CEP76: variants seen among roughly 807,000 people sequenced by gnomAD.
CEP76 encodes centrosomal protein 76, also known as centrosomal protein of 76 kDa.
Under a neutral mutation model 83.3 loss-of-function variants are expected in CEP76, and 55 were observed. That is an observed-to-expected ratio of 0.66 (90% CI 0.53 to 0.83). The LOEUF (loss-of-function observed/expected upper bound fraction) is 0.83. Among genes scored for constraint, CEP76 ranks in the 40% least tolerant of loss-of-function variants. CEP76 has a pLI of 0.00. For missense variants in CEP76, 694 were observed against 799.5 expected, an observed-to-expected ratio of 0.87 and a Z score of 1.59; for synonymous variants, 270 against 274.5, an observed-to-expected ratio of 0.98 and a Z score of 0.16.
In CEP76 at chr18:12,678,311, G is replaced by A; in HGVS notation, c.1421C>T (p.Ala474Val). The A allele has an allele frequency of 6.2e-7, 1 of 1,614,116 alleles. No individual in the cohort carries two copies. ...CAAATCAAATACACAGGTTTCTACT[G>A]CATCAGAGGGTTGACAATTTCCCAG... Reference protein sequence around the residue: ...MFLGNCQPSDAVETCVFDLND... With the variant: ...MFLGNCQPSDVVETCVFDLND... Residue 474 changes from alanine (A) to valine (V), a missense_variant, in exon 10 of 12, where the codon GCA becomes GTA. Ala to Val is a moderately conservative substitution (Grantham distance 64). Transcript: ENST00000262127.
downstream of CEP76, among the ~76,000 whole-genome samples, chr18:12,668,133 T>TGC (rs2038843017): frequency 6.6e-6 from 1 of 151,512 alleles, no homozygotes; most frequent in African/African-American, 2.4e-5. Context: ...GACATGTTGG[T>TGC]GCAGGCCTGT....
Position 12,673,158 on chromosome 18 carries a change from G to A in CEP76, c.*207C>T, listed in dbSNP as rs2038990155. 1 of 1,198,484 alleles carries A rather than the reference G, an allele frequency of 8.3e-7. No individual in the cohort carries two copies. The highest frequency in any genetic ancestry group is 1.1e-6 in the Non-Finnish European group (1 of 951,558). The allele number at this position is 1,198,484 out of a possible 1,614,324, so 74.2% of individuals were successfully genotyped here. ...TACACTTAATTTATACTAAATTCCA[G>A]GGAGATTTATACAAGTTTTTCAGCC... On this transcript the variant is annotated 3_prime_UTR_variant, in exon 12 of 12. Transcript: ENST00000262127.
chr18:12,693,840 C>A (rs2039855347), intron 6 of CEP76, among the ~76,000 whole-genome samples: 2 of 151,936 alleles, frequency 1.3e-5, no homozygotes, highest in South Asian at 4.1e-4. Flanking sequence ...GTGTATACAC[C>A]ATTTATTTAA....
chr18:12,696,641 T>C (rs897006481), intron 5 of CEP76, among the ~76,000 whole-genome samples: 2 of 152,316 alleles, frequency 1.3e-5, no homozygotes, highest in Non-Finnish European at 2.9e-5. Flanking sequence ...TTTTGTTTTC[T>C]CATTTTATTA....
chr18:12,678,588 A>G, intron 9 of CEP76, 146 bp from the exon 10 acceptor site: 2 of 588,702 alleles, frequency 3.4e-6, no homozygotes, highest in Non-Finnish European at 5.8e-6. Flanking sequence ...TATTTCCACA[A>G]TTTGATTACT....
intron 2 of CEP76, chr18:12,700,146 C>T (rs2040102653): frequency 3.4e-6 from 1 of 296,244 alleles, no homozygotes. Flanking sequence ...GTAATACTAT[C>T]CACATAAAGC....
downstream of CEP76, among the ~76,000 whole-genome samples, chr18:12,670,147 A>C (rs2038907052): frequency 6.6e-6 from 1 of 151,928 alleles, no homozygotes; most frequent in South Asian, 2.1e-4. Context: ...CTGGGCAACA[A>C]GGTGAAACCC....
At position 12,680,783 on chromosome 18, in the gene CEP76, C is replaced by T; in HGVS notation, c.1168G>A (p.Gly390Arg). ...HANLLCSLLL[G>R]YGLEAFVCVG... ...CAAACAAAGGCTTCTAATCCATATC[C>T]AAGAAGAAGGCTGCACAGAAGGTTA... Residue 390 changes from glycine (G) to arginine (R), a missense_variant, in exon 9 of 12, where the codon GGA (glycine) becomes AGA (arginine). Gly to Arg is a moderately radical substitution (Grantham distance 125). Coordinates refer to ENST00000262127, the MANE Select transcript of CEP76 (RefSeq NM_024899.4). 1 of 1,613,654 alleles carries T rather than the reference C, an allele frequency of 6.2e-7. No individual in the cohort carries two copies. The highest frequency in any genetic ancestry group is 8.5e-7 in the Non-Finnish European group (1 of 1,179,840).
At chr18:12,695,481 A>C (rs1393729542) in intron 5 of CEP76, 130 bp from the exon 6 acceptor site, 10 of 462,032 alleles carry the variant, frequency 2.2e-5, no homozygotes, top group Admixed American at 4.0e-5. Flanking sequence ...AACATTCAAC[A>C]TTACCTTTAA....
At chr18:12,666,887 TCA>T (rs1374085749) in intron 12 of CEP76, among the ~76,000 whole-genome samples, 2 of 152,164 alleles carry the variant, frequency 1.3e-5, no homozygotes, top group Non-Finnish European at 2.9e-5. Context: ...AATCCAAACA[TCA>T]GTTTTATTAA....
downstream of CEP76, among the ~76,000 whole-genome samples, chr18:12,671,568 T>C (rs562121857): frequency 4.3e-4 from 65 of 151,408 alleles, no homozygotes; most frequent in African/African-American, 1.5e-3. Context: ...TTTTAAAGTT[T>C]ACTTTTGTTC....
intron 7 of CEP76, among the ~76,000 whole-genome samples, chr18:12,688,122 T>A (rs2039610956): frequency 6.6e-6 from 1 of 151,070 alleles, no homozygotes; most frequent in Admixed American, 6.6e-5. Flanking sequence ...TCCCAGCAAC[T>A]TAGGAGGCTG....
chr18:12,692,164 A>C (rs1425852745), intron 6 of CEP76: 2 of 151,968 alleles, frequency 1.3e-5, no homozygotes, highest in South Asian at 2.1e-4. Context: ...AAAAATACAA[A>C]AACTAGCTGG....
rs1225761125 is a variant in CEP76, at chr18:12,678,153, CATTACTT to C, written c.1572_1578del (p.Ser525LysfsTer6). On this transcript the variant is annotated frameshift_variant, in exon 10 of 12. Transcript: ENST00000262127. LOFTEE classifies it high-confidence loss of function. Reference sequence around the variant, plus strand: ...AGGAGCCTCAGCTGCATTTCAATTTCATTACTTGTTACTGACGCGTCAATTGTGGATG... The same window carrying C: ...AGGAGCCTCAGCTGCATTTCAATTTCGTTACTGACGCGTCAATTGTGGATG... 1 of 1,613,980 alleles carries C rather than the reference CATTACTT, an allele frequency of 6.2e-7. No homozygotes were observed. The highest frequency in any genetic ancestry group is 8.5e-7 in the Non-Finnish European group (1 of 1,179,846).
chr18:12,682,348 C>T (rs1454532341), intron 8 of CEP76, among the ~76,000 whole-genome samples: 5 of 152,046 alleles, frequency 3.3e-5, no homozygotes, highest in Non-Finnish European at 7.4e-5. Flanking sequence ...CATCACCAGG[C>T]CCAGCTATTT....
At chr18:12,678,532 T>G in intron 9 of CEP76, 90 bp from the exon 10 acceptor site, 1 of 789,726 alleles carries the variant, frequency 1.3e-6, no homozygotes, top group Non-Finnish European at 2.0e-6. Flanking sequence ...CTTAAGGCCA[T>G]AACTACTTCT....
downstream of CEP76, chr18:12,672,536 CTGATT>C (rs2038974553): frequency 1.2e-5 from 5 of 419,732 alleles, no homozygotes; most frequent in South Asian, 3.9e-4. Flanking sequence ...CACATATATG[CTGATT>C]TTTTTATCAC....
At chr18:12,694,043 A>C (rs918342119) in intron 6 of CEP76, among the ~76,000 whole-genome samples, 3 of 152,046 alleles carry the variant, frequency 2.0e-5, no homozygotes, top group African/African-American at 7.2e-5. Context: ...ATGTTGCCCA[A>C]GCTGGTCCTA....
chr18:12,693,468 G>C (rs1368681894), intron 6 of CEP76, among the ~76,000 whole-genome samples: 1 of 151,910 alleles, frequency 6.6e-6, no homozygotes, highest in Non-Finnish European at 1.5e-5. Context: ...CCCCAAAAAA[G>C]TAGAGCCCAA....
Sources: gnomAD v4.1 joint callset for allele counts (sites outside exome capture counted in the v4.1 genomes callset) on GRCh38, gnomAD v4.1.1 for gene constraint, MANE v1.5 for transcripts, NCBI Gene and HGNC (gene_info 2026-07-23, HGNC 2026-07-21) for gene names.